The following PFKL variants were observed in gnomAD, a reference collection of about 807,000 sequenced individuals.
PFKL encodes the protein ATP-dependent 6-phosphofructokinase, liver type.
Under a neutral mutation model 92.1 loss-of-function variants are expected in PFKL, and 74 were observed. The ratio of observed to expected loss-of-function variants is 0.80; its 90% CI spans 0.67 to 0.97. The LOEUF is 0.97. PFKL is among the 50% of genes least tolerant of loss of function. The pLI, the probability that PFKL is intolerant of heterozygous loss-of-function variation, is 0.00. For synonymous variants in PFKL, 494 were observed against 456.4 expected (o/e 1.08, Z -1.05); for missense variants, 1,028 against 1,116.6 (o/e 0.92, Z 1.13).
rs2047096415 is a variant in PFKL at position 44,313,062 on chromosome 21, G to T, written c.512G>T (p.Gly171Val). 6.2e-7 allele frequency: 1 copy of T among 1,613,084 alleles called. No homozygotes were observed. The highest frequency in any genetic ancestry group is 1.3e-5 in the African/African-American group (1 of 74,936). The change falls in exon 5 of 22, where the codon GGC (glycine) becomes GTC (valine). Residue 171 changes from glycine to valine, a missense_variant. Transcript: ENST00000349048. ...GGCTCCATCGATAACGACTTCTGCGGCACCGACATGACCATCGGCACGGAC... is the reference window on the plus strand; with the variant it reads ...GGCTCCATCGATAACGACTTCTGCGTCACCGACATGACCATCGGCACGGAC... ...LVGSIDNDFCGTDMTIGTDSA... is the reference protein window; with the variant it reads ...LVGSIDNDFCVTDMTIGTDSA...
rs947781255 is a variant in PFKL at position 44,306,825 on chromosome 21, G to A, written c.159+71G>A. 3.0e-6 allele frequency: 4 copies of A among 1,351,248 alleles called. No individual in the cohort carries two copies. The African/African-American group carries it at 5.7e-5, about 19-fold the overall frequency. 83.7% of individuals were successfully genotyped at this position (1,351,248 alleles called of 1,614,324 possible). ...TGAGGCGCATGCCGAGGTGTGTTCT[G>A]TGTGGGTCACACTGGGAGACGGGGT... On this transcript the variant is annotated intron_variant, in intron 2 of 21. Coordinates refer to ENST00000349048, the MANE Select transcript of PFKL (RefSeq NM_002626.6).
At chr21:44,316,082 C>T in intron 7 of PFKL, 162 bp from the exon 8 acceptor site, 2 of 657,048 alleles carry the variant, frequency 3.0e-6, no homozygotes, top group Non-Finnish European at 5.4e-6. Context: ...TCATCTCTGC[C>T]CTCGCGCTCC....
chr21:44,318,608 C>T lies in PFKL; in HGVS notation c.1062+13C>T, dbSNP rs745498827. ...GTGCGTGCAGATGGTAAGCCCTGGG[C>T]CCCCCCCATCAGAACCGCCTGGCCC... On this transcript the variant is annotated intron_variant, in intron 10 of 21. Coordinates refer to ENST00000349048, the MANE Select transcript of PFKL (RefSeq NM_002626.6). The T allele has an allele frequency of 6.9e-7, 1 of 1,449,346 alleles. No individual in the cohort carries two copies. Among genetic ancestry groups the T allele is most frequent in the Non-Finnish European group, 9.2e-7 (1 of 1,086,136 alleles). 89.8% of individuals were successfully genotyped at this position (1,449,346 alleles called of 1,614,324 possible). A position where few individuals can be genotyped will look rare whatever the true frequency, so the allele number is the denominator to read the frequency against.
At position 44,309,198 on chromosome 21, in the gene PFKL, G is replaced by A. The variant is rs2041043548; in HGVS notation, c.160-1808G>A. ...CCCAGCGCTGGCTTCCTTCAGCAGG[G>A]AGACCGATCCCTTCTCCTTGGGGCT... On this transcript the variant is annotated intron_variant, in intron 2 of 21. Transcript: ENST00000349048. 2.6e-5 allele frequency among the ~76,000 whole-genome samples: 4 copies of A among 152,164 alleles called. No homozygotes were observed. In the South Asian group the frequency reaches 8.3e-4, roughly 32 times the overall value.
At chr21:44,326,086 C>T (rs1194380499) in intron 20 of PFKL, 26 bp downstream of exon 20, 3 of 1,609,670 alleles carry the variant, frequency 1.9e-6, no homozygotes, top group Admixed American at 3.3e-5. Context: ...GACCCGAGGC[C>T]TCACTTTGCC....
At chr21:44,319,311 C>T in intron 10 of PFKL, 40 bp from the exon 11 acceptor site, 2 of 1,566,220 alleles carry the variant, frequency 1.3e-6, no homozygotes, top group Non-Finnish European at 1.8e-6. Flanking sequence ...GTGTGCGGGC[C>T]AGGCTCTCCA....
At position 44,305,164 on chromosome 21, in the gene PFKL, T is replaced by A. The variant is rs2040895553; in HGVS notation, c.86-1517T>A. 7.3e-6 allele frequency: 8 copies of A among 1,096,112 alleles called. No individual in the cohort carries two copies. The South Asian group carries it at 8.8e-5, about 12-fold the overall frequency. 67.9% of individuals were successfully genotyped at this position (1,096,112 alleles called of 1,614,324 possible). A position where few individuals can be genotyped will look rare whatever the true frequency, so the allele number is the denominator to read the frequency against. On this transcript the variant is annotated intron_variant, in intron 1 of 21. Transcript: ENST00000349048. ...TCTGGAAGGTCCCTCACCCTCCCTCTGGGATCTCATTGGATTCCTGTAGTG... is the reference window on the plus strand; with the variant it reads ...TCTGGAAGGTCCCTCACCCTCCCTCAGGGATCTCATTGGATTCCTGTAGTG...
intron 13 of PFKL, 87 bp from the exon 14 acceptor site, chr21:44,322,046 T>C: frequency 6.7e-7 from 1 of 1,492,742 alleles, no homozygotes; most frequent in Non-Finnish European, 9.1e-7. Flanking sequence ...TGCCCAACAC[T>C]GGCTGGCCCC....
At chr21:44,323,949 G>A (rs1050771769) in intron 16 of PFKL, 31 bp downstream of exon 16, 4 of 1,611,848 alleles carry the variant, frequency 2.5e-6, no homozygotes, top group Non-Finnish European at 3.4e-6. Context: ...GGCCTGCCAT[G>A]CCCAGGCCCT....
chr21:44,306,965 G>A (rs1162349305), intron 2 of PFKL, among the ~76,000 whole-genome samples: 1 of 152,196 alleles, frequency 6.6e-6, no homozygotes, highest in Admixed American at 6.5e-5. Context: ...GACTCAGCCC[G>A]GCTGGAGGCT....
chr21:44,324,810 C>A, intron 17 of PFKL, 46 bp from the exon 18 acceptor site: 1 of 1,593,850 alleles, frequency 6.3e-7, no homozygotes, highest in Non-Finnish European at 8.6e-7. Context: ...GCCTGGAATT[C>A]CCTCCCCACA....
At position 44,322,906 on chromosome 21, in the gene PFKL, T is replaced by A. The variant is rs1220891363; in HGVS notation, c.1410-56T>A. ...AATGCCTTTCTGTGATCAGATGCAA[T>A]CTGGACACGCGTCCCCGGGTGCTGC... On this transcript the variant is annotated intron_variant, in intron 14 of 21. Transcript: ENST00000349048. 3.0e-6 allele frequency: 4 copies of A among 1,313,284 alleles called. No homozygotes were observed. The African/African-American group carries it at 4.4e-5, about 14-fold the overall frequency. 81.4% of individuals were successfully genotyped at this position (1,313,284 alleles called of 1,614,324 possible). A position where few individuals can be genotyped will look rare whatever the true frequency, so the allele number is the denominator to read the frequency against.
chr21:44,324,379 T>A, intron 16 of PFKL, 112 bp from the exon 17 acceptor site: 1 of 1,107,164 alleles, frequency 9.0e-7, no homozygotes, highest in Non-Finnish European at 1.3e-6. Context: ...TCTGGGTGCG[T>A]CAGCCCCAGG....
In PFKL at chr21:44,306,789, T is replaced by A. The variant is rs148095528; in HGVS notation, c.159+35T>A. On this transcript the variant is annotated intron_variant, in intron 2 of 21. Coordinates refer to ENST00000349048, the MANE Select transcript of PFKL (RefSeq NM_002626.6). Reference sequence around the variant, plus strand: ...AGGTGGGCTGTGTGTGTGCAGGGAGTGGGGACCTCCTGAGGCGCATGCCGA... The same window carrying A: ...AGGTGGGCTGTGTGTGTGCAGGGAGAGGGGACCTCCTGAGGCGCATGCCGA... The A allele has an allele frequency of 3.8e-6, 6 of 1,581,864 alleles. No individual in the cohort carries two copies. The East Asian group carries it at 1.3e-4, about 35-fold the overall frequency.
intron 1 of PFKL, chr21:44,306,078 A>G: frequency 1.4e-6 from 1 of 704,972 alleles, no homozygotes; most frequent in Non-Finnish European, 2.1e-6. Flanking sequence ...CAGTGCCCAG[A>G]GGTGCTCCCC....
At chr21:44,309,932 C>T (rs2041067111) in intron 2 of PFKL, among the ~76,000 whole-genome samples, 1 of 152,246 alleles carries the variant, frequency 6.6e-6, no homozygotes, top group Non-Finnish European at 1.5e-5. Context: ...CCGCAGCGCG[C>T]ACTATCCCTT....
chr21:44,316,229 G>GT lies in PFKL; in HGVS notation c.748-14dup. The GT allele has an allele frequency of 6.2e-7, 1 of 1,611,852 alleles. No homozygotes were observed. Among genetic ancestry groups the GT allele is most frequent in the Non-Finnish European group, 8.5e-7 (1 of 1,178,976 alleles). On this transcript the variant is annotated splice_polypyrimidine_tract_variant and intron_variant, in intron 7 of 21. Coordinates refer to ENST00000349048, the MANE Select transcript of PFKL (RefSeq NM_002626.6). ...CCCTGCCTGGCAGCTGAGCCCTGTC[G>GT]TGTCTTTGACCCAGACTCGGAGCCG...
intron 7 of PFKL, chr21:44,315,770 G>A: frequency 4.8e-6 from 1 of 209,404 alleles, no homozygotes; most frequent in Non-Finnish European, 9.8e-6. Flanking sequence ...AGCCCTGGCT[G>A]GTGCCAGCGA....
intron 1 of PFKL, chr21:44,304,450 C>A: frequency 8.3e-7 from 1 of 1,211,538 alleles, no homozygotes; most frequent in Non-Finnish European, 1.1e-6. Flanking sequence ...CTGCTGCCTG[C>A]CAGAGGTGGG....
Sources: gnomAD v4.1 joint callset for allele counts (sites outside exome capture counted in the v4.1 genomes callset) on GRCh38, gnomAD v4.1.1 for gene constraint, MANE v1.5 for transcripts, NCBI Gene and HGNC (gene_info 2026-07-23, HGNC 2026-07-21) for gene names.